The following LGR5 variants were observed in gnomAD, a reference collection of about 807,000 sequenced individuals.
LGR5 encodes the protein leucine-rich repeat-containing G protein-coupled receptor 5.
LGR5 carries 54 observed loss-of-function variants against 76.7 expected under a neutral mutation model. The ratio of observed to expected loss-of-function variants is 0.70; its 90% confidence interval spans 0.57 to 0.88. The LOEUF is 0.88. Among genes scored for constraint, LGR5 ranks in the 40% least tolerant of loss-of-function variants. LGR5 has a pLI of 0.00. For missense variants in LGR5, 1,078 were observed against 1,073.3 expected, an observed-to-expected ratio of 1.00 and a Z score of -0.06; for synonymous variants, 406 against 421.9, an observed-to-expected ratio of 0.96 and a Z score of 0.46.
chr12:71,518,174 C>CA (rs1280228869), intron 2 of LGR5, among the ~76,000 whole-genome samples: 1 of 151,698 alleles, frequency 6.6e-6, no homozygotes, highest in Non-Finnish European at 1.5e-5. Context: ...AAGAAAAAAA[C>CA]AAAAAATTAA....
intron 1 of LGR5, among the ~76,000 whole-genome samples, chr12:71,494,677 T>G (rs1057172964): frequency 6.6e-6 from 1 of 151,098 alleles, no homozygotes; most frequent in East Asian, 1.9e-4. Context: ...AGTCCCAGGC[T>G]CCTTAGATAT....
chr12:71,453,860 C>T (rs769383803), intron 1 of LGR5, among the ~76,000 whole-genome samples: 16 of 152,162 alleles, frequency 1.1e-4, no homozygotes, highest in Middle Eastern at 3.4e-3. Context: ...GCAGTTGGTT[C>T]AACATAATTG....
At chr12:71,457,727 G>T (rs896181315) in intron 1 of LGR5, among the ~76,000 whole-genome samples, 1 of 152,110 alleles carries the variant, frequency 6.6e-6, no homozygotes, top group Non-Finnish European at 1.5e-5. Context: ...ATGTAAAAAG[G>T]TGCAATTATT....
intron 1 of LGR5, among the ~76,000 whole-genome samples, chr12:71,488,381 T>C (rs1007028286): frequency 1.2e-4 from 18 of 152,160 alleles, no homozygotes; most frequent in African/African-American, 4.1e-4. Flanking sequence ...TTGAGAGACA[T>C]GACCTAAGTT....
intron 1 of LGR5, among the ~76,000 whole-genome samples, chr12:71,485,402 A>T (rs1054982447): frequency 2.6e-5 from 4 of 152,278 alleles, no homozygotes; most frequent in Admixed American, 6.5e-5. Flanking sequence ...CATTTAATTT[A>T]AAAAAATGAG....
chr12:71,489,882 G>C (rs889974844), intron 1 of LGR5, among the ~76,000 whole-genome samples: 7 of 145,186 alleles, frequency 4.8e-5, no homozygotes, highest in African/African-American at 1.4e-4. Flanking sequence ...GGGCAACATA[G>C]TGAGAAGCCA....
intron 4 of LGR5, among the ~76,000 whole-genome samples, chr12:71,543,708 A>C (rs1304752215): frequency 6.6e-6 from 1 of 152,258 alleles, no homozygotes; most frequent in African/African-American, 2.4e-5. Context: ...TGAAGAGATA[A>C]GAGATCAAAG....
At chr12:71,505,961 ATGTC>A (rs983015738) in intron 2 of LGR5, among the ~76,000 whole-genome samples, 5 of 152,098 alleles carry the variant, frequency 3.3e-5, no homozygotes, top group Non-Finnish European at 5.9e-5. Context: ...AGCTGGAACA[ATGTC>A]TGTCTTAGTC....
intron 12 of LGR5, 140 bp from the exon 13 acceptor site, chr12:71,572,710 C>A (rs1878668369): frequency 3.3e-6 from 2 of 609,246 alleles, no homozygotes; most frequent in African/African-American, 1.9e-5. Context: ...TTTAAACAAA[C>A]AAAAATCAGT....
In LGR5 at chr12:71,470,612, A is replaced by C. The variant is rs1873056156; in HGVS notation, c.212+30320A>C. Reference sequence around the variant, plus strand: ...ATGTGTATAGAATCATATTTAAGTTACTGTCCTTATAGCAAAATAATGAGT... The same window carrying C: ...ATGTGTATAGAATCATATTTAAGTTCCTGTCCTTATAGCAAAATAATGAGT... On this transcript the variant is annotated intron_variant, in intron 1 of 17. Transcript: ENST00000266674. Among the ~76,000 whole-genome samples, 5 of 152,230 alleles carry C rather than the reference A, an allele frequency of 3.3e-5. No homozygotes were observed. The South Asian group carries it at 1.0e-3, about 31-fold the overall frequency.
chr12:71,516,297 GA>G (rs1327133838), intron 2 of LGR5, among the ~76,000 whole-genome samples: 1 of 151,408 alleles, frequency 6.6e-6, no homozygotes, highest in Non-Finnish European at 1.5e-5. Context: ...TGAGAAGAAA[GA>G]AAATCAAAAA....
rs183585845 is a variant in LGR5, at chr12:71,520,683, C to A, written c.285-3723C>A. On this transcript the variant is annotated intron_variant, in intron 2 of 17. Transcript: ENST00000266674. ...GTTGAACAGTGAGAACAGATGGACA[C>A]AGGGAGGGGAACATCACACACCGGG... Among the ~76,000 whole-genome samples the A allele has an allele frequency of 2.3e-3, 312 of 137,868 alleles. 1 individual carries two copies. Among genetic ancestry groups the A allele is most frequent in the African/African-American group, 7.6e-3 (275 of 36,124 alleles). The allele number at this position is 137,868 out of a possible 152,430, so 90.4% of individuals were successfully genotyped here.
At chr12:71,468,481 A>G (rs1872950420) in intron 1 of LGR5, among the ~76,000 whole-genome samples, 1 of 152,186 alleles carries the variant, frequency 6.6e-6, no homozygotes, top group Admixed American at 6.5e-5. Context: ...GAGCCTTTTA[A>G]TCAAGGCATT....
intron 3 of LGR5, among the ~76,000 whole-genome samples, chr12:71,531,847 G>A (rs67655094): frequency 0.095 from 14,379 of 152,134 alleles, 730 homozygotes; most frequent in Non-Finnish European, 0.11. Flanking sequence ...CCGTGTGGGC[G>A]ACAGAGTGAG....
chr12:71,538,340 CCT>C, intron 4 of LGR5, among the ~76,000 whole-genome samples: 1 of 151,976 alleles, frequency 6.6e-6, no homozygotes, highest in South Asian at 2.1e-4. Context: ...TAGTGAGACC[CCT>C]GTCTCTCTAT....
chr12:71,537,406 T>A (rs1261507985), intron 4 of LGR5, among the ~76,000 whole-genome samples: 1 of 151,806 alleles, frequency 6.6e-6, no homozygotes, highest in African/African-American at 2.4e-5. Context: ...GAGTTTGAGG[T>A]TACAGGTTAC....
intron 1 of LGR5, among the ~76,000 whole-genome samples, chr12:71,444,652 G>A (rs1007645532): frequency 2.0e-5 from 3 of 151,936 alleles, no homozygotes; most frequent in Non-Finnish European, 4.4e-5. Context: ...TTAGAAGATC[G>A]GAATCAAGAA....
intron 1 of LGR5, among the ~76,000 whole-genome samples, chr12:71,497,041 C>T (rs986692426): frequency 2.6e-5 from 4 of 151,768 alleles, no homozygotes; most frequent in Admixed American, 6.6e-5. Flanking sequence ...AGGGGCCAGG[C>T]GCAGTGGCAT....
chr12:71,581,215 T>C (rs1420277646), intron 16 of LGR5, among the ~76,000 whole-genome samples: 1 of 152,260 alleles, frequency 6.6e-6, no homozygotes, highest in East Asian at 1.9e-4. Context: ...TCCTGCTTTT[T>C]GTCCAACTAA....
Sources: allele counts gnomAD v4.1 joint callset (sites outside exome capture counted in the v4.1 genomes callset), GRCh38; gene constraint gnomAD v4.1.1; transcripts MANE v1.5; gene names NCBI Gene and HGNC (gene_info 2026-07-23, HGNC 2026-07-21).